VPS13D: variants seen among roughly 807,000 people sequenced by gnomAD.
The protein encoded by VPS13D is vacuolar protein sorting 13 homolog D, also known as intermembrane lipid transfer protein VPS13D.
VPS13D carries 187 observed loss-of-function variants against 461.9 expected under a neutral mutation model. That is an observed-to-expected ratio of 0.40 (90% CI 0.36 to 0.46). VPS13D has a LOEUF of 0.46. Ranked by LOEUF, VPS13D falls within the 20% of genes least tolerant of loss-of-function variation. VPS13D has a pLI of 0.60. For synonymous variants in VPS13D, 1,951 were observed against 1,986.3 expected, an observed-to-expected ratio of 0.98 and a Z score of 0.47; for missense variants, 4,711 against 5,364.9, an observed-to-expected ratio of 0.88 and a Z score of 3.81.
intron 24 of VPS13D, among the ~76,000 whole-genome samples, chr1:12,294,980 T>C (rs559643328): frequency 1.3e-5 from 2 of 152,016 alleles, no homozygotes; most frequent in East Asian, 3.9e-4. Context: ...CCCAGCACTT[T>C]GGGGGGCGAG....
rs747815310 is a variant in VPS13D at position 12,322,517 on chromosome 1, C to G, written c.7705-19C>G. The G allele has an allele frequency of 6.2e-7, 1 of 1,611,346 alleles. No homozygotes were observed. On this transcript the variant is annotated intron_variant, in intron 33 of 69. Transcript: ENST00000620676. Reference sequence around the variant, plus strand: ...CAATGCAGCTTTAAAAAATTGCTACCTTTTTTACATTTTGTTAGATTCAGT... The same window carrying G: ...CAATGCAGCTTTAAAAAATTGCTACGTTTTTTACATTTTGTTAGATTCAGT...
rs765667671 is a variant in VPS13D, at chr1:12,401,721, T to A, written c.11881+17T>A. On this transcript the variant is annotated intron_variant, in intron 62 of 69. Coordinates refer to ENST00000620676, the MANE Select transcript of VPS13D (RefSeq NM_015378.4). ...CAGAATCAGGTAATGTTGAATGTTCTATGTCTGTGTTTGGGAATTGGTCCA... is the reference window on the plus strand; with the variant it reads ...CAGAATCAGGTAATGTTGAATGTTCAATGTCTGTGTTTGGGAATTGGTCCA... The A allele has an allele frequency of 1.3e-6, 2 of 1,597,268 alleles. No individual in the cohort carries two copies. The highest frequency in any genetic ancestry group is 8.6e-7 in the Non-Finnish European group (1 of 1,166,102).
intron 1 of VPS13D, 69 bp from the exon 2 acceptor site, chr1:12,234,122 G>C (rs1453959544): frequency 1.6e-6 from 1 of 611,810 alleles, no homozygotes; most frequent in Admixed American, 2.9e-5. Flanking sequence ...CTTCAGGCAG[G>C]TAGAGGAGGA....
chr1:12,409,751 C>T (rs1644698883), intron 63 of VPS13D: 1 of 390,424 alleles, frequency 2.6e-6, no homozygotes, highest in Admixed American at 3.4e-5. Flanking sequence ...CAGCTTATAG[C>T]AGACCCAGGC....
intron 67 of VPS13D, among the ~76,000 whole-genome samples, chr1:12,489,731 G>A (rs1229415356): frequency 6.6e-6 from 1 of 152,136 alleles, no homozygotes; most frequent in Non-Finnish European, 1.5e-5. Flanking sequence ...AAAAGAATAG[G>A]TAGCATTTTA....
At chr1:12,278,090 C>T (rs1641669943) in intron 19 of VPS13D, 52 bp downstream of exon 19, 1 of 1,526,440 alleles carries the variant, frequency 6.6e-7, no homozygotes, top group East Asian at 2.3e-5. Context: ...GAAAACCCAG[C>T]TCACGGAGTC....
intron 32 of VPS13D, 32 bp from the exon 33 acceptor site, chr1:12,321,777 T>C: frequency 6.3e-7 from 1 of 1,580,028 alleles, no homozygotes; most frequent in Non-Finnish European, 8.6e-7. Context: ...AATCAGACAT[T>C]AATTCTCGCC....
intron 66 of VPS13D, among the ~76,000 whole-genome samples, chr1:12,458,641 G>A (rs1351817913): frequency 6.6e-6 from 1 of 151,908 alleles, no homozygotes; most frequent in Non-Finnish European, 1.5e-5. Flanking sequence ...AAGAAATGTT[G>A]TGAATTGTTA....
At chr1:12,406,015 T>C (rs1269712486) in intron 63 of VPS13D, among the ~76,000 whole-genome samples, 1 of 152,216 alleles carries the variant, frequency 6.6e-6, no homozygotes, top group Admixed American at 6.5e-5. Flanking sequence ...AACGAAATCA[T>C]TTCAGTTGAA....
chr1:12,372,928 A>G (rs1216689051), intron 54 of VPS13D, among the ~76,000 whole-genome samples: 1 of 151,392 alleles, frequency 6.6e-6, no homozygotes, highest in African/African-American at 2.4e-5. Flanking sequence ...CTTTAGCTTC[A>G]GAGAAACGTA....
intron 24 of VPS13D, among the ~76,000 whole-genome samples, chr1:12,297,865 G>A (rs572513142): frequency 1.8e-4 from 28 of 152,242 alleles, no homozygotes; most frequent in African/African-American, 6.3e-4. Flanking sequence ...GGCGGTGGTC[G>A]GCAGATGTGT....
intron 68 of VPS13D, chr1:12,499,382 GATTATAA>G: frequency 1.1e-6 from 1 of 872,578 alleles, no homozygotes; most frequent in Non-Finnish European, 1.4e-6. Flanking sequence ...GGCTAAATGA[GATTATAA>G]ATTATTGCAT....
At chr1:12,432,020 T>C (rs1268761793) in intron 65 of VPS13D, among the ~76,000 whole-genome samples, 1 of 152,238 alleles carries the variant, frequency 6.6e-6, no homozygotes, top group East Asian at 1.9e-4. Flanking sequence ...AAATGAATTT[T>C]AAAATTTTTC....
intron 46 of VPS13D, among the ~76,000 whole-genome samples, chr1:12,352,206 G>A (rs1022819814): frequency 6.6e-6 from 1 of 151,910 alleles, no homozygotes; most frequent in Non-Finnish European, 1.5e-5. Context: ...CAGGAGAATC[G>A]CTTGAATCTG....
At position 12,241,275 on chromosome 1, in the gene VPS13D, G is replaced by C. The variant is rs1331415324; in HGVS notation, c.98-1238G>C. On this transcript the variant is annotated intron_variant, in intron 2 of 69. Coordinates refer to ENST00000620676, the MANE Select transcript of VPS13D (RefSeq NM_015378.4). ...TTCTTTAGAAGCCAGTAACCCACAA[G>C]TCCTGAACAATCATTTAAAGGGAAA... Among the ~76,000 whole-genome samples, 3 of 152,148 alleles carry C rather than the reference G, an allele frequency of 2.0e-5. No individual in the cohort carries two copies. In the East Asian group the frequency reaches 5.8e-4, roughly 29 times the overall value.
At chr1:12,457,176 C>T (rs1645341146) in intron 66 of VPS13D, among the ~76,000 whole-genome samples, 1 of 152,172 alleles carries the variant, frequency 6.6e-6, no homozygotes, top group Non-Finnish European at 1.5e-5. Context: ...AACTATAAAT[C>T]CAGCCAATTT....
At chr1:12,481,548 G>GGGT (rs1434000528) in intron 67 of VPS13D, among the ~76,000 whole-genome samples, 7 of 152,220 alleles carry the variant, frequency 4.6e-5, no homozygotes. Flanking sequence ...CTGACCCAAG[G>GGGT]GGTGTATCTG....
At chr1:12,501,703 T>C (rs1333934370) in intron 68 of VPS13D, among the ~76,000 whole-genome samples, 1 of 152,240 alleles carries the variant, frequency 6.6e-6, no homozygotes, top group Admixed American at 6.5e-5. Context: ...GTTCACAGTT[T>C]AGCAGGGGAA....
chr1:12,432,786 G>T (rs1322501346), intron 65 of VPS13D, among the ~76,000 whole-genome samples: 1 of 151,914 alleles, frequency 6.6e-6, no homozygotes, highest in East Asian at 1.9e-4. Flanking sequence ...GTAGAGATGG[G>T]GTTTCTCTAT....
Sources: gnomAD v4.1 joint callset for allele counts (sites outside exome capture counted in the v4.1 genomes callset) on GRCh38, gnomAD v4.1.1 for gene constraint, MANE v1.5 for transcripts, NCBI Gene and HGNC (gene_info 2026-07-23, HGNC 2026-07-21) for gene names.